Variants in HTT observed in about 807,000 individuals in gnomAD.
The protein encoded by HTT is huntingtin.
A neutral mutation model predicts 362.3 loss-of-function variants in HTT; 104 were observed. That is an observed-to-expected ratio of 0.29 (90% CI 0.24 to 0.34). The LOEUF (loss-of-function observed/expected upper bound fraction) is 0.34, where lower values mean the gene tolerates loss of function less well. Among genes scored for constraint, HTT ranks in the 10% least tolerant of loss-of-function variants. The probability of loss-of-function intolerance (pLI) is 1.00; values close to 1 mark genes in which losing one functional copy is unlikely to be tolerated. For synonymous variants in HTT, 1,577 were observed against 1,548.7 expected (o/e 1.02, Z -0.43); for missense variants, 3,301 against 3,928.6 (o/e 0.84, Z 4.27).
chr4:3,178,352 T>C lies in HTT; in HGVS notation c.4518T>C (p.Tyr1506=), dbSNP rs772512001. Reference sequence around the variant, plus strand: ...TTTTCTTCTTGGTATTACTATCTTATGAACGCTATCATTCAAAACAGATCA... The same window carrying C: ...TTTTCTTCTTGGTATTACTATCTTACGAACGCTATCATTCAAAACAGATCA... ...NIFFFLVLLS[Y]ERYHSKQIIG... The change falls in exon 35 of 67, where the codon TAT becomes TAC. Residue 1506 remains tyrosine (Y), a synonymous_variant. Transcript: ENST00000355072. 1.8e-5 allele frequency: 29 copies of C among 1,611,858 alleles called. 3 individuals are homozygous for C. The highest frequency in any genetic ancestry group is 1.6e-4 in the South Asian group (15 of 91,050).
rs777575706 is a variant in HTT at position 3,099,226 on chromosome 4, A to G, written c.348-48A>G. On this transcript the variant is annotated intron_variant, in intron 2 of 66. Coordinates refer to ENST00000355072, the MANE Select transcript of HTT (RefSeq NM_001388492.1). ...GGATACCTCATTACATTTCATTGTC[A>G]TGTCACCTTAGGCTCCTCTTGACAG... 2.5e-5 allele frequency: 33 copies of G among 1,315,848 alleles called. No homozygotes were observed. The Admixed American group carries it at 4.3e-4, about 17-fold the overall frequency. 81.5% of individuals were successfully genotyped at this position (1,315,848 alleles called of 1,614,324 possible). A position where few individuals can be genotyped will look rare whatever the true frequency, so the allele number is the denominator to read the frequency against.
chr4:3,130,819 G>A (rs1182290190), intron 14 of HTT, among the ~76,000 whole-genome samples: 2 of 151,992 alleles, frequency 1.3e-5, no homozygotes, highest in Non-Finnish European at 2.9e-5. Flanking sequence ...AATTCCTCAA[G>A]GACAAGGAAT....
Position 3,147,993 on chromosome 4 carries a change from C to T in HTT, c.3296-12C>T, listed in dbSNP as rs749916791. On this transcript the variant is annotated splice_polypyrimidine_tract_variant and intron_variant, in intron 25 of 66. Transcript: ENST00000355072. ...TTGGGGTGGAGAGGTAATGTCTGTGCCCATATCACAGCCAGTGCTCCCAAA... is the reference window on the plus strand; with the variant it reads ...TTGGGGTGGAGAGGTAATGTCTGTGTCCATATCACAGCCAGTGCTCCCAAA... 5 of 1,603,966 alleles carry T rather than the reference C, an allele frequency of 3.1e-6. No individual in the cohort carries two copies. The African/African-American group carries it at 4.0e-5, about 13-fold the overall frequency.
At chr4:3,235,222 T>A in intron 61 of HTT, 62 bp from the exon 62 acceptor site, 1 of 1,166,596 alleles carries the variant, frequency 8.6e-7, no homozygotes, top group Non-Finnish European at 1.3e-6. Flanking sequence ...CCGGACATGC[T>A]GTGAAGCCCT....
chr4:3,197,375 C>G (rs1719300920), intron 40 of HTT, among the ~76,000 whole-genome samples: 1 of 152,066 alleles, frequency 6.6e-6, no homozygotes, highest in African/African-American at 2.4e-5. Context: ...TGTCACTCTC[C>G]AGGGCCTCTT....
intron 37 of HTT, among the ~76,000 whole-genome samples, chr4:3,183,404 TG>T (rs1424160401): frequency 6.6e-6 from 1 of 152,258 alleles, no homozygotes; most frequent in African/African-American, 2.4e-5. Flanking sequence ...ATGAGCTGCC[TG>T]GCACAGCTTG....
chr4:3,151,954 G>A (rs906504996), intron 26 of HTT, among the ~76,000 whole-genome samples: 1 of 152,044 alleles, frequency 6.6e-6, no homozygotes, highest in Admixed American at 6.5e-5. Flanking sequence ...TTGAGATAGG[G>A]TGTCATTCTG....
chr4:3,095,512 TGTGCGA>T (rs1456492723), intron 2 of HTT, among the ~76,000 whole-genome samples: 25 of 152,156 alleles, frequency 1.6e-4, no homozygotes, highest in Admixed American at 1.4e-3. Context: ...AGAGGGAGAC[TGTGCGA>T]GGGCGAGGGC....
chr4:3,090,566 C>G (rs757980002), intron 2 of HTT, among the ~76,000 whole-genome samples: 1 of 152,146 alleles, frequency 6.6e-6, no homozygotes, highest in Non-Finnish European at 1.5e-5. Flanking sequence ...GTTTAAAGAT[C>G]TAGTTCACAG....
rs1337248334 is a variant in HTT at position 3,154,540 on chromosome 4, A to G, written c.3625+121A>G. On this transcript the variant is annotated intron_variant, in intron 27 of 66. Transcript: ENST00000355072. Reference sequence around the variant, plus strand: ...ATAATACACATCAGTAAAGTGAGAGAAAGTTTCTCCAGGTGCGGTTCAAGA... The same window carrying G: ...ATAATACACATCAGTAAAGTGAGAGGAAGTTTCTCCAGGTGCGGTTCAAGA... The G allele has an allele frequency of 2.0e-5, 26 of 1,327,458 alleles. No homozygotes were observed. In the Admixed American group the frequency reaches 6.5e-4, roughly 33 times the overall value. 82.2% of individuals were successfully genotyped at this position (1,327,458 alleles called of 1,614,324 possible). A position where few individuals can be genotyped will look rare whatever the true frequency, so the allele number is the denominator to read the frequency against.
At chr4:3,144,095 G>C (rs1022134785) in intron 23 of HTT, among the ~76,000 whole-genome samples, 40 of 152,178 alleles carry the variant, frequency 2.6e-4, no homozygotes, top group Non-Finnish European at 4.1e-4. Flanking sequence ...AACCTGGTGG[G>C]GGTATAGTCG....
rs1721673451 is a variant in HTT at position 3,238,870 on chromosome 4, T to C, written c.9107T>C (p.Val3036Ala). Residue 3036 changes from valine to alanine, a missense_variant, in exon 66 of 67, where the codon GTC (valine) becomes GCC (alanine). Around this residue, in one of 4 missense-constraint regions of HTT, gnomAD observed 753 missense variants for 1,021.3 expected, o/e 0.74. Coordinates refer to ENST00000355072, the MANE Select transcript of HTT (RefSeq NM_001388492.1). ...TGQSSMVRDW[V>A]MLSLSNFTQR... ...CAGTCGTCCATGGTCCGGGACTGGG[T>C]CATGCTGTCCCTCTCCAACTTCACG... The C allele has an allele frequency of 6.2e-7, 1 of 1,612,438 alleles. No individual in the cohort carries two copies. The highest frequency in any genetic ancestry group is 1.7e-5 in the Admixed American group (1 of 59,930).
chr4:3,222,144 C>A (rs1720703331), intron 53 of HTT, among the ~76,000 whole-genome samples: 1 of 152,264 alleles, frequency 6.6e-6, no homozygotes, highest in Non-Finnish European at 1.5e-5. Context: ...CCGACTTGGG[C>A]CTGTGCCACC....
chr4:3,197,426 T>G (rs577622301), intron 40 of HTT, among the ~76,000 whole-genome samples: 1 of 152,194 alleles, frequency 6.6e-6, no homozygotes, highest in South Asian at 2.1e-4. Context: ...AATCCCAGCA[T>G]CATAGTATGT....
intron 36 of HTT, 131 bp from the exon 37 acceptor site, chr4:3,182,223 C>T: frequency 3.2e-6 from 2 of 627,366 alleles, no homozygotes; most frequent in Non-Finnish European, 5.7e-6. Flanking sequence ...GTCCCCCTGT[C>T]CTCGCTGGGA....
intron 53 of HTT, among the ~76,000 whole-genome samples, chr4:3,221,199 G>A (rs1720655290): frequency 1.3e-5 from 2 of 152,156 alleles, no homozygotes; most frequent in South Asian, 2.1e-4. Flanking sequence ...AGGCTTGTTT[G>A]GATCCCAGAA....
chr4:3,168,560 T>C (rs1379022792), intron 29 of HTT, among the ~76,000 whole-genome samples: 1 of 152,270 alleles, frequency 6.6e-6, no homozygotes, highest in Non-Finnish European at 1.5e-5. Context: ...ATTTATTCCA[T>C]ACTCATTTTT....
intron 6 of HTT, among the ~76,000 whole-genome samples, chr4:3,112,020 A>T (rs1413145047): frequency 6.6e-6 from 1 of 152,196 alleles, no homozygotes; most frequent in African/African-American, 2.4e-5. Context: ...TCAGTCAGTT[A>T]TGTAGCTCTT....
chr4:3,229,257 T>TG (rs1436917693), intron 59 of HTT, among the ~76,000 whole-genome samples: 10 of 109,562 alleles, frequency 9.1e-5, no homozygotes, highest in African/African-American at 3.6e-4. Context: ...CCACACCACA[T>TG]GCACCACACA....
Sources: gnomAD v4.1 joint callset for allele counts (sites outside exome capture counted in the v4.1 genomes callset) on GRCh38, gnomAD v4.1.1 for gene constraint, gnomAD v4.1.1 regional missense constraint, MANE v1.5 for transcripts, NCBI Gene and HGNC (gene_info 2026-07-23, HGNC 2026-07-21) for gene names.